The following SOS1 variants were observed in gnomAD, a reference collection of about 807,000 sequenced individuals.
The protein encoded by SOS1 is son of sevenless homolog 1.
SOS1 carries 25 observed loss-of-function variants against 157.6 expected under a neutral mutation model. The ratio of observed to expected loss-of-function variants is 0.16; its 90% CI spans 0.12 to 0.22. The LOEUF is 0.22. Ranked by LOEUF, SOS1 falls within the 10% of genes least tolerant of loss-of-function variation. The pLI is 1.00. For synonymous variants in SOS1, 528 were observed against 534.0 expected (o/e 0.99, Z 0.16); for missense variants, 1,237 against 1,599.1 (o/e 0.77, Z 3.86).
chr2:39,054,159 C>G (rs915427693), intron 5 of SOS1, among the ~76,000 whole-genome samples: 1 of 152,184 alleles, frequency 6.6e-6, no homozygotes, highest in African/African-American at 2.4e-5. Context: ...CATCTCCTGA[C>G]CTCGTGATCT....
At chr2:39,106,578 G>A (rs1470452583) in intron 1 of SOS1, among the ~76,000 whole-genome samples, 9 of 124,024 alleles carry the variant, frequency 7.3e-5, no homozygotes, top group African/African-American at 2.8e-4. Flanking sequence ...GCGACAGAGC[G>A]AGACTCCGTC....
chr2:39,031,527 C>T (rs748416419), intron 8 of SOS1, among the ~76,000 whole-genome samples: 52 of 152,078 alleles, frequency 3.4e-4, no homozygotes, highest in Non-Finnish European at 6.5e-4. Context: ...GTCAGGAGTT[C>T]GTGACCAGCC....
Position 39,030,595 on chromosome 2 carries a change from G to A in SOS1, c.1074+4617C>T, listed in dbSNP as rs150222210. On this transcript the variant is annotated intron_variant, in intron 8 of 22. Coordinates refer to ENST00000402219, the MANE Select transcript of SOS1 (RefSeq NM_005633.4). ...AAAAAAGAGGGATGGGGGTGTTAGG[G>A]GGAAGCCAGCGTATAAAGCCAATGT... 5.5e-4 allele frequency among the ~76,000 whole-genome samples: 84 copies of A among 152,134 alleles called. 1 individual carries two copies. The highest frequency in any genetic ancestry group is 3.4e-3 in the Middle Eastern group (1 of 294).
At chr2:39,120,200 G>T in intron 1 of SOS1, 136 bp downstream of exon 1, 1 of 728,010 alleles carries the variant, frequency 1.4e-6, no homozygotes, top group South Asian at 2.6e-5. Context: ...GGGCCTCTCC[G>T]TGTGCGCCGT....
At chr2:39,067,501 T>G (rs1671628893) in intron 2 of SOS1, 127 bp downstream of exon 2, 4 of 869,146 alleles carry the variant, frequency 4.6e-6, no homozygotes, top group Non-Finnish European at 7.8e-6. Flanking sequence ...CTGTAAAGAG[T>G]TAAATCCAGG....
chr2:39,047,260 T>G (rs1215814560), intron 6 of SOS1, among the ~76,000 whole-genome samples: 1 of 152,226 alleles, frequency 6.6e-6, no homozygotes, highest in Admixed American at 6.5e-5. Context: ...TATTGCCAGA[T>G]AGCATTTTAT....
At chr2:39,014,736 G>T in intron 11 of SOS1, 29 bp downstream of exon 11, 2 of 1,195,114 alleles carry the variant, frequency 1.7e-6, no homozygotes, top group Non-Finnish European at 2.5e-6. Flanking sequence ...AAAAAATAAT[G>T]AATTTAAATA....
At chr2:39,084,676 T>C (rs1264305425) in intron 1 of SOS1, among the ~76,000 whole-genome samples, 2 of 152,220 alleles carry the variant, frequency 1.3e-5, no homozygotes, top group Non-Finnish European at 2.9e-5. Context: ...GTGTATATAT[T>C]AGCCATGGGA....
At chr2:39,037,718 G>A (rs560710708) in intron 6 of SOS1, among the ~76,000 whole-genome samples, 5 of 151,634 alleles carry the variant, frequency 3.3e-5, no homozygotes, top group South Asian at 4.2e-4. Context: ...TCTCTGTGTC[G>A]AAATATTTCA....
At chr2:39,070,141 A>C (rs1041503498) in intron 1 of SOS1, among the ~76,000 whole-genome samples, 1 of 152,216 alleles carries the variant, frequency 6.6e-6, no homozygotes, top group African/African-American at 2.4e-5. Flanking sequence ...ATTCCTCTTC[A>C]ATACTTAGCA....
chr2:39,120,189 G>T (rs989535815), intron 1 of SOS1, 147 bp downstream of exon 1: 3 of 626,512 alleles, frequency 4.8e-6, no homozygotes, highest in Non-Finnish European at 7.4e-6. Context: ...CCGTATGAGG[G>T]GGGCCTCTCC....
chr2:39,119,977 C>G (rs1356352602), intron 1 of SOS1, among the ~76,000 whole-genome samples: 3 of 152,220 alleles, frequency 2.0e-5, no homozygotes, highest in Non-Finnish European at 2.9e-5. Flanking sequence ...GGTAGGCTGA[C>G]AGCAGCTCCG....
intron 1 of SOS1, among the ~76,000 whole-genome samples, chr2:39,099,081 T>C (rs1034569782): frequency 3.9e-5 from 6 of 152,168 alleles, no homozygotes; most frequent in African/African-American, 9.7e-5. Context: ...TCCACTAAGA[T>C]GGCTAGAATA....
intron 1 of SOS1, among the ~76,000 whole-genome samples, chr2:39,088,292 C>T (rs1191601152): frequency 1.3e-5 from 2 of 149,580 alleles, no homozygotes; most frequent in African/African-American, 5.0e-5. Flanking sequence ...TTTAGTATGC[C>T]TGAGATGGAG....
intron 10 of SOS1, among the ~76,000 whole-genome samples, chr2:39,019,492 GATA>G (rs1235311316): frequency 6.6e-6 from 1 of 151,630 alleles, no homozygotes; most frequent in East Asian, 1.9e-4. Flanking sequence ...CATCCAATTG[GATA>G]ATTTTTCCCC....
Position 39,007,085 on chromosome 2 carries a change from C to T in SOS1, c.2619G>A (p.Glu873=), listed in dbSNP as rs759970732. ...QELNNFNGVL[E]VVSAMNSSPV... ...GTGATGAATTCATAGCACTGACAAC[C>T]TCAAGGACACCATTAAAGTTGTTCA... The change falls in exon 16 of 23, where the codon GAG becomes GAA. Residue 873 remains glutamate (E), a synonymous_variant. Coordinates refer to ENST00000402219, the MANE Select transcript of SOS1 (RefSeq NM_005633.4). 10 of 1,609,590 alleles carry T rather than the reference C, an allele frequency of 6.2e-6. No homozygotes were observed. The South Asian group carries it at 1.1e-4, about 18-fold the overall frequency.
intron 6 of SOS1, among the ~76,000 whole-genome samples, chr2:39,044,892 C>T (rs1428555796): frequency 6.9e-6 from 1 of 145,744 alleles, no homozygotes; most frequent in African/African-American, 2.5e-5. Flanking sequence ...TCTGTTGTCC[C>T]TTTTATCGGT....
At chr2:39,009,705 CATT>C (rs1669398320) in intron 15 of SOS1, among the ~76,000 whole-genome samples, 1 of 151,738 alleles carries the variant, frequency 6.6e-6, no homozygotes, top group Non-Finnish European at 1.5e-5. Flanking sequence ...TGATTTGCAT[CATT>C]AATAAGATGT....
intron 20 of SOS1, among the ~76,000 whole-genome samples, chr2:38,991,448 C>A (rs1031746421): frequency 9.9e-5 from 15 of 152,174 alleles, no homozygotes; most frequent in Non-Finnish European, 2.1e-4. Context: ...TATGACCAGG[C>A]AATCTTCAAA....
Sources: gnomAD v4.1 joint callset for allele counts (sites outside exome capture counted in the v4.1 genomes callset) on GRCh38, gnomAD v4.1.1 for gene constraint, MANE v1.5 for transcripts, NCBI Gene and HGNC (gene_info 2026-07-23, HGNC 2026-07-21) for gene names.